The following FER variants were observed in gnomAD, a reference collection of about 807,000 sequenced individuals.
FER encodes FER tyrosine kinase.
In FER, 63 loss-of-function variants were observed where a neutral mutation model predicts 111.0. That is an observed-to-expected ratio of 0.57 (90% confidence interval 0.46 to 0.70). The LOEUF (loss-of-function observed/expected upper bound fraction) is 0.70. Among genes scored for constraint, FER ranks in the 30% least tolerant of loss-of-function variants. The pLI is 0.00. For synonymous variants in FER, 327 were observed against 313.9 expected (o/e 1.04, Z -0.44); for missense variants, 914 against 954.0 (o/e 0.96, Z 0.55).
intron 14 of FER, among the ~76,000 whole-genome samples, chr5:109,040,582 G>A (rs373842843): frequency 1.3e-5 from 2 of 152,152 alleles, no homozygotes; most frequent in Admixed American, 6.6e-5. Context: ...TTAGGTGAAA[G>A]CCAGTTTGGA....
At chr5:108,879,221 T>G (rs182929162) in intron 8 of FER, among the ~76,000 whole-genome samples, 84 of 152,216 alleles carry the variant, frequency 5.5e-4, no homozygotes, top group African/African-American at 1.6e-3. Context: ...ATAAGCCATT[T>G]GAACTGTTAC....
At chr5:108,809,126 A>G (rs1351357132) in intron 3 of FER, among the ~76,000 whole-genome samples, 1 of 152,060 alleles carries the variant, frequency 6.6e-6, no homozygotes, top group Non-Finnish European at 1.5e-5. Flanking sequence ...TTGTATGTGG[A>G]TATCTACCTC....
chr5:109,167,304 A>T (rs1202009542), intron 17 of FER, among the ~76,000 whole-genome samples: 1 of 152,168 alleles, frequency 6.6e-6, no homozygotes, highest in Non-Finnish European at 1.5e-5. Context: ...AAAACTCCAA[A>T]GTAAATTGGA....
chr5:109,161,730 G>A (rs941285783), intron 17 of FER, among the ~76,000 whole-genome samples: 3 of 152,072 alleles, frequency 2.0e-5, no homozygotes, highest in African/African-American at 7.2e-5. Context: ...ATGGTAGAAC[G>A]ATTTTATTCC....
chr5:108,894,221 A>G, intron 9 of FER: 1 of 267,016 alleles, frequency 3.7e-6, no homozygotes, highest in Non-Finnish European at 7.0e-6. Context: ...CCCTTAAAAA[A>G]CCCCACAAAA....
chr5:109,185,644 G>C (rs1758779511), intron 18 of FER, among the ~76,000 whole-genome samples: 1 of 151,978 alleles, frequency 6.6e-6, no homozygotes, highest in Admixed American at 6.5e-5. Context: ...GGGGGAGGGA[G>C]AGTGATTTGG....
chr5:109,130,060 G>T (rs1206616144), intron 17 of FER, among the ~76,000 whole-genome samples: 3 of 150,346 alleles, frequency 2.0e-5, no homozygotes, highest in Non-Finnish European at 4.4e-5. Context: ...TTGTGCGTAG[G>T]TTTTTTTTTA....
intron 13 of FER, among the ~76,000 whole-genome samples, chr5:109,031,254 G>A (rs980925856): frequency 3.3e-5 from 5 of 151,958 alleles, no homozygotes; most frequent in Admixed American, 2.0e-4. Flanking sequence ...CCACTATTCT[G>A]TTCTCCCATT....
At chr5:108,881,636 G>A (rs202143244) in intron 8 of FER, among the ~76,000 whole-genome samples, 2 of 152,284 alleles carry the variant, frequency 1.3e-5, no homozygotes, top group East Asian at 3.9e-4. Flanking sequence ...AGATCAAGAT[G>A]TCAACTGATT....
intron 16 of FER, among the ~76,000 whole-genome samples, chr5:109,055,320 T>A (rs1001215475): frequency 6.6e-6 from 1 of 152,142 alleles, no homozygotes; most frequent in African/African-American, 2.4e-5. Context: ...AATAGGACTA[T>A]ATCAAACTGA....
At chr5:108,857,737 G>A (rs1763135046) in intron 5 of FER, among the ~76,000 whole-genome samples, 1 of 151,886 alleles carries the variant, frequency 6.6e-6, no homozygotes, top group African/African-American at 2.4e-5. Context: ...TTAAATTTAT[G>A]TATTAATTTA....
intron 17 of FER, among the ~76,000 whole-genome samples, chr5:109,112,341 A>C (rs533890866): frequency 5.6e-4 from 85 of 152,336 alleles, no homozygotes; most frequent in African/African-American, 1.8e-3. Flanking sequence ...CAAGTTAAAA[A>C]AGGTTTGAAT....
intron 14 of FER, among the ~76,000 whole-genome samples, chr5:109,038,262 G>A (rs1272062311): frequency 6.6e-6 from 1 of 151,752 alleles, no homozygotes; most frequent in Non-Finnish European, 1.5e-5. Context: ...ATATAAAAAT[G>A]TGAATTCATT....
At chr5:108,936,004 A>G (rs140803988) in intron 10 of FER, among the ~76,000 whole-genome samples, 84 of 152,168 alleles carry the variant, frequency 5.5e-4, no homozygotes, top group African/African-American at 1.9e-3. Flanking sequence ...TCTTGCAAGA[A>G]CTATTTATTC....
intron 3 of FER, among the ~76,000 whole-genome samples, chr5:108,806,783 T>C (rs1757253234): frequency 6.6e-6 from 1 of 152,218 alleles, no homozygotes; most frequent in Non-Finnish European, 1.5e-5. Context: ...ATCTAGGAAG[T>C]AACTAAGTTG....
At chr5:108,985,078 T>C (rs1281392338) in intron 13 of FER, among the ~76,000 whole-genome samples, 1 of 152,036 alleles carries the variant, frequency 6.6e-6, no homozygotes, top group African/African-American at 2.4e-5. Flanking sequence ...AAACTAGTGC[T>C]TATCATACAA....
At chr5:109,174,994 A>G (rs1242279807) in intron 17 of FER, among the ~76,000 whole-genome samples, 1 of 150,352 alleles carries the variant, frequency 6.7e-6, no homozygotes, top group Non-Finnish European at 1.5e-5. Context: ...AATGGAGATC[A>G]TAAGTACAGT....
intron 5 of FER, among the ~76,000 whole-genome samples, chr5:108,858,744 T>G (rs984516024): frequency 2.0e-5 from 3 of 151,338 alleles, no homozygotes; most frequent in Admixed American, 2.0e-4. Context: ...TGACAACATT[T>G]GAGTTGGTAG....
chr5:108,965,230 A>G (rs183233450), intron 13 of FER, among the ~76,000 whole-genome samples: 1 of 152,278 alleles, frequency 6.6e-6, no homozygotes, highest in African/African-American at 2.4e-5. Context: ...TTGAGCACAG[A>G]GAATCCATTT....
Sources: gnomAD v4.1 joint callset for allele counts (sites outside exome capture counted in the v4.1 genomes callset) on GRCh38, gnomAD v4.1.1 for gene constraint, MANE v1.5 for transcripts, NCBI Gene and HGNC (gene_info 2026-07-23, HGNC 2026-07-21) for gene names.